The following SMYD3 variants were observed in gnomAD, a reference collection of about 807,000 sequenced individuals.
SMYD3 encodes the protein SET and MYND domain containing 3, also known as histone-lysine N-methyltransferase SMYD3.
In SMYD3, 36 loss-of-function variants were observed where a neutral mutation model predicts 57.7. That is an observed-to-expected ratio of 0.62 (90% CI 0.48 to 0.82). SMYD3 has a LOEUF of 0.82. Among genes scored for constraint, SMYD3 ranks in the 40% least tolerant of loss-of-function variants. The pLI is 0.00. For synonymous variants in SMYD3, 211 were observed against 195.0 expected, an observed-to-expected ratio of 1.08 and a Z score of -0.68; for missense variants, 515 against 538.8, an observed-to-expected ratio of 0.96 and a Z score of 0.44.
In SMYD3 at chr1:246,032,474, G is replaced by A. The variant is rs568147600; in HGVS notation, c.532-102537C>T. Among the ~76,000 whole-genome samples the A allele has an allele frequency of 2.6e-5, 4 of 152,354 alleles. No homozygotes were observed. In the South Asian group the frequency reaches 8.3e-4, roughly 32 times the overall value. ...CTGCCCTAGCACTGAAGGAGAGACAGATGGCAGCCAGACAGAACGGGATGG... is the reference window on the plus strand; with the variant it reads ...CTGCCCTAGCACTGAAGGAGAGACAAATGGCAGCCAGACAGAACGGGATGG... On this transcript the variant is annotated intron_variant, in intron 5 of 11. Transcript: ENST00000490107.
At chr1:246,362,273 T>C (rs544564808) in intron 1 of SMYD3, among the ~76,000 whole-genome samples, 1 of 152,320 alleles carries the variant, frequency 6.6e-6, no homozygotes, top group Admixed American at 6.5e-5. Context: ...AATATACTCC[T>C]CCTGAGAAAT....
At position 245,912,819 on chromosome 1, in the gene SMYD3, C is replaced by G. The variant is rs116325997; in HGVS notation, c.813+2711G>C. Among the ~76,000 whole-genome samples the G allele has an allele frequency of 9.9e-3, 1,501 of 152,290 alleles. 25 individuals carry two copies. The highest frequency in any genetic ancestry group is 0.034 in the African/African-American group (1,402 of 41,556). On this transcript the variant is annotated intron_variant, in intron 8 of 11. Transcript: ENST00000490107. ...GATATCCACGTGCAGAAGAATGAAA[C>G]TAAACCCTTATCTGTCACCACACAG...
chr1:246,341,428 T>C (rs2065631553), intron 2 of SMYD3, among the ~76,000 whole-genome samples: 1 of 152,198 alleles, frequency 6.6e-6, no homozygotes, highest in Non-Finnish European at 1.5e-5. Flanking sequence ...TTCATGTCTG[T>C]TTTTCTTAAA....
rs1409919216 is a variant in SMYD3 at position 245,941,007 on chromosome 1, A to G, written c.532-11070T>C. ...TGGAGCTGAAAAACACAACATGAGA[A>G]CTTCACAATGCAGCCACATGTAACA... On this transcript the variant is annotated intron_variant, in intron 5 of 11. Coordinates refer to ENST00000490107, the MANE Select transcript of SMYD3 (RefSeq NM_001167740.2). Among the ~76,000 whole-genome samples, 6 of 152,342 alleles carry G rather than the reference A, an allele frequency of 3.9e-5. No individual in the cohort carries two copies. In the East Asian group the frequency reaches 9.7e-4, roughly 25 times the overall value.
chr1:245,768,187 A>ATCACATGTT, intron 10 of SMYD3, among the ~76,000 whole-genome samples: 1 of 152,342 alleles, frequency 6.6e-6, no homozygotes, highest in Admixed American at 6.5e-5. Context: ...AATGCTAGCA[A>ATCACATGTT]TCACATGTTC....
At chr1:246,263,139 GA>G (rs1258255913) in intron 5 of SMYD3, among the ~76,000 whole-genome samples, 3 of 152,076 alleles carry the variant, frequency 2.0e-5, no homozygotes, top group Non-Finnish European at 4.4e-5. Context: ...AGCTTACCAT[GA>G]AAAAAGGTAA....
intron 10 of SMYD3, among the ~76,000 whole-genome samples, chr1:245,834,053 T>C (rs2049984943): frequency 6.6e-6 from 1 of 152,226 alleles, no homozygotes; most frequent in African/African-American, 2.4e-5. Flanking sequence ...CCAAACTAAT[T>C]TGATCACAGA....
intron 5 of SMYD3, among the ~76,000 whole-genome samples, chr1:246,029,248 ACAAT>A (rs1423765458): frequency 2.0e-5 from 3 of 152,240 alleles, no homozygotes. Flanking sequence ...AGCAAAGAAA[ACAAT>A]CAAGAGACTG....
At chr1:246,033,777 ACT>A (rs1242086964) in intron 5 of SMYD3, among the ~76,000 whole-genome samples, 1 of 152,088 alleles carries the variant, frequency 6.6e-6, no homozygotes, top group African/African-American at 2.4e-5. Flanking sequence ...ACAGAGTGAG[ACT>A]CTGCCTCAAA....
chr1:245,892,665 A>G (rs1352009256), intron 8 of SMYD3, among the ~76,000 whole-genome samples: 1 of 152,242 alleles, frequency 6.6e-6, no homozygotes, highest in Non-Finnish European at 1.5e-5. Context: ...TTGACTCAGC[A>G]AATGGTACTA....
At chr1:246,433,461 G>A (rs1022287790) in intron 1 of SMYD3, among the ~76,000 whole-genome samples, 6 of 152,140 alleles carry the variant, frequency 3.9e-5, no homozygotes, top group Admixed American at 3.3e-4. Context: ...AGGAGTTTGA[G>A]ACCAGCCTGG....
At chr1:246,248,117 C>G (rs1423510675) in intron 5 of SMYD3, among the ~76,000 whole-genome samples, 1 of 152,104 alleles carries the variant, frequency 6.6e-6, no homozygotes, top group Non-Finnish European at 1.5e-5. Context: ...GTAAAAGGTT[C>G]GGATACTGAG....
rs577898672 is a variant in SMYD3 at position 246,284,172 on chromosome 1, C to A, written c.531+43029G>T. 3.3e-5 allele frequency among the ~76,000 whole-genome samples: 5 copies of A among 152,284 alleles called. No homozygotes were observed. In the East Asian group the frequency reaches 9.7e-4, roughly 29 times the overall value. Reference sequence around the variant, plus strand: ...CAGGCTGTCAGATGCTGCATATCAGCTACTTGAGCAGTTAGATTAAGCTTT... The same window carrying A: ...CAGGCTGTCAGATGCTGCATATCAGATACTTGAGCAGTTAGATTAAGCTTT... On this transcript the variant is annotated intron_variant, in intron 5 of 11. Transcript: ENST00000490107.
At chr1:246,014,734 C>A (rs550146709) in intron 5 of SMYD3, among the ~76,000 whole-genome samples, 1 of 152,138 alleles carries the variant, frequency 6.6e-6, no homozygotes, top group East Asian at 1.9e-4. Flanking sequence ...AGTGTTGGGG[C>A]TCATAAACCA....
At chr1:246,380,363 CA>C (rs570631886) in intron 1 of SMYD3, among the ~76,000 whole-genome samples, 3 of 152,176 alleles carry the variant, frequency 2.0e-5, no homozygotes, top group Non-Finnish European at 4.4e-5. Context: ...CGTAATTGAT[CA>C]ACCTTGACTA....
intron 10 of SMYD3, among the ~76,000 whole-genome samples, chr1:245,854,801 AG>A (rs2051151530): frequency 6.6e-6 from 1 of 152,194 alleles, no homozygotes; most frequent in African/African-American, 2.4e-5. Flanking sequence ...ACAGTTCTGA[AG>A]GGAAGAGAGT....
intron 10 of SMYD3, among the ~76,000 whole-genome samples, chr1:245,824,863 A>C (rs1478518064): frequency 1.3e-5 from 2 of 151,280 alleles, no homozygotes; most frequent in East Asian, 1.9e-4. Flanking sequence ...TCTCAAAAAA[A>C]AAAAAACAAA....
intron 8 of SMYD3, among the ~76,000 whole-genome samples, chr1:245,900,876 T>A (rs1236041105): frequency 6.6e-6 from 1 of 152,256 alleles, no homozygotes; most frequent in Non-Finnish European, 1.5e-5. Context: ...CAGATCATGG[T>A]CTGGGAGGAA....
intron 5 of SMYD3, among the ~76,000 whole-genome samples, chr1:246,210,193 C>T (rs895230509): frequency 6.6e-6 from 1 of 152,086 alleles, no homozygotes; most frequent in African/African-American, 2.4e-5. Context: ...CAGGATATTC[C>T]AATGTGCCCT....
Sources: gnomAD v4.1 joint callset for allele counts (sites outside exome capture counted in the v4.1 genomes callset) on GRCh38, gnomAD v4.1.1 for gene constraint, MANE v1.5 for transcripts, NCBI Gene and HGNC (gene_info 2026-07-23, HGNC 2026-07-21) for gene names.